DAGLB: variants seen among roughly 807,000 people sequenced by gnomAD.
DAGLB encodes the protein diacylglycerol lipase-beta.
DAGLB carries 66 observed loss-of-function variants against 72.1 expected under a neutral mutation model. That is an observed-to-expected ratio of 0.92 (90% CI 0.75 to 1.12). The LOEUF is 1.12. Among genes scored for constraint, DAGLB ranks in the 50% most tolerant of loss-of-function variants. DAGLB has a pLI of 0.00. For synonymous variants in DAGLB, 414 were observed against 359.5 expected, an observed-to-expected ratio of 1.15 and a Z score of -1.71; for missense variants, 1,065 against 884.9, an observed-to-expected ratio of 1.20 and a Z score of -2.58.
intron 1 of DAGLB, among the ~76,000 whole-genome samples, chr7:6,447,029 G>A (rs1345588374): frequency 6.6e-6 from 1 of 151,942 alleles, no homozygotes; most frequent in East Asian, 1.9e-4. Flanking sequence ...AAAAGAAAAG[G>A]GGTCTCACTA....
rs1388104145 is a variant in DAGLB at position 6,409,238 on chromosome 7, G to C, written c.*599C>G. The C allele has an allele frequency of 6.4e-6, 1 of 155,518 alleles. No homozygotes were observed. Among genetic ancestry groups the C allele is most frequent in the Admixed American group, 6.2e-5 (1 of 16,056 alleles). The allele number at this position is 155,518 out of a possible 1,614,324, so 9.6% of individuals were successfully genotyped here. A position where few individuals can be genotyped will look rare whatever the true frequency, so the allele number is the denominator to read the frequency against. ...AACTCCTGATGTGGACAAACAACTG[G>C]GCAGTGGGAATAGGCAGTTGGGGGG... is the stretch of plus-strand genomic sequence containing the variant. On this transcript the variant is annotated 3_prime_UTR_variant, in exon 15 of 15. Transcript: ENST00000297056.
Position 6,409,846 on chromosome 7 carries a change from G to T in DAGLB, c.2010C>A (p.Asp670Glu). ...SCPAQGVSSV[D>E]VA Reference sequence around the variant, plus strand: ...TTTCCAGTGGCCCTGGTCAGGCCACGTCCACACTGGAGACCCCTTGTGCTG... The same window carrying T: ...TTTCCAGTGGCCCTGGTCAGGCCACTTCCACACTGGAGACCCCTTGTGCTG... Residue 670 changes from aspartate (D) to glutamate (E), a missense_variant, in exon 15 of 15, where the codon GAC (aspartate) becomes GAA (glutamate). By Grantham distance (45) the Asp-to-Glu change is conservative. Transcript: ENST00000297056. 6.2e-7 allele frequency: 1 copy of T among 1,613,854 alleles called. No homozygotes were observed. The highest frequency in any genetic ancestry group is 8.5e-7 in the Non-Finnish European group (1 of 1,180,000).
chr7:6,421,781 C>T lies in DAGLB; in HGVS notation c.1164G>A (p.Ala388=), dbSNP rs776397190. Reference sequence around the variant, plus strand: ...ACTCCACGTCCAGCACCTCACTCTCCGCTGACAGGTCCGTAAGGACATCCT... The same window carrying T: ...ACTCCACGTCCAGCACCTCACTCTCTGCTGACAGGTCCGTAAGGACATCCT... ...SLQDVLTDLS[A]ESEVLDVECE... The change falls in exon 9 of 15, where the codon GCG becomes GCA. Residue 388 remains alanine (A), a synonymous_variant. Transcript: ENST00000297056. The T allele has an allele frequency of 3.9e-5, 63 of 1,613,146 alleles. No homozygotes were observed. Among genetic ancestry groups the T allele is most frequent in the South Asian group, 3.4e-4 (31 of 91,074 alleles).
chr7:6,431,958 T>C (rs1199772906), intron 5 of DAGLB, among the ~76,000 whole-genome samples: 1 of 152,090 alleles, frequency 6.6e-6, no homozygotes, highest in Non-Finnish European at 1.5e-5. Flanking sequence ...GCTTAGTACC[T>C]GGGTGACAAA....
At position 6,436,448 on chromosome 7, in the gene DAGLB, C is replaced by G. The variant is rs1045978704; in HGVS notation, c.333G>C (p.Trp111Cys). Reference sequence around the variant, plus strand: ...CCACCCAGGCAGCCCCCAGAGAGGCCCAGACCATCTCTGGAAAAAACAGCG... The same window carrying G: ...CCACCCAGGCAGCCCCCAGAGAGGCGCAGACCATCTCTGGAAAAAACAGCG... Reference protein sequence around the residue: ...RLALFFPEMVWASLGAAWVAD... With the variant: ...RLALFFPEMVCASLGAAWVAD... Residue 111 changes from tryptophan to cysteine, a missense_variant, in exon 3 of 15, where the codon TGG becomes TGC. Physicochemically the swap from Trp to Cys is radical, Grantham distance 215. Transcript: ENST00000297056. The G allele has an allele frequency of 6.2e-7, 1 of 1,614,104 alleles. No homozygotes were observed. The highest frequency in any genetic ancestry group is 8.5e-7 in the Non-Finnish European group (1 of 1,180,028).
intron 2 of DAGLB, among the ~76,000 whole-genome samples, chr7:6,443,217 A>G (rs941438586): frequency 1.4e-5 from 2 of 147,770 alleles, no homozygotes; most frequent in African/African-American, 5.0e-5. Context: ...CAAAAAAAAC[A>G]AAACAAAACA....
chr7:6,446,103 ACCTGG>A lies in DAGLB; in HGVS notation c.96-4_96del. 2 of 1,550,912 alleles carry A rather than the reference ACCTGG, an allele frequency of 1.3e-6. No individual in the cohort carries two copies. The highest frequency in any genetic ancestry group is 1.7e-6 in the Non-Finnish European group (2 of 1,154,128). ...AGATACAACGTCAGAATGCCAATCC[ACCTGG>A]CAAAAAAAAAAAAGGGAAGGGTCAG... On this transcript the variant is annotated splice_acceptor_variant and splice_polypyrimidine_tract_variant and coding_sequence_variant and intron_variant, in exon 2 of 15. Coordinates refer to ENST00000297056, the MANE Select transcript of DAGLB (RefSeq NM_139179.4). LOFTEE classifies it high-confidence loss of function.
chr7:6,441,143 T>C lies in DAGLB; in HGVS notation c.248-4610A>G, dbSNP rs975281352. Among the ~76,000 whole-genome samples, 69 of 149,688 alleles carry C rather than the reference T, an allele frequency of 4.6e-4. 1 individual carries two copies. The highest frequency in any genetic ancestry group is 1.6e-3 in the African/African-American group (65 of 40,712). ...TCTCGCTCTGTCGCCCAAGCTGGAG[T>C]GCAGTGGCGCGATCTCGGCTCACTG... On this transcript the variant is annotated intron_variant, in intron 2 of 14. Coordinates refer to ENST00000297056, the MANE Select transcript of DAGLB (RefSeq NM_139179.4).
intron 11 of DAGLB, among the ~76,000 whole-genome samples, chr7:6,415,342 A>C (rs1239856944): frequency 6.6e-6 from 1 of 152,080 alleles, no homozygotes; most frequent in Non-Finnish European, 1.5e-5. Context: ...TATATGTCAA[A>C]GAAACCAAGT....
At chr7:6,430,929 C>G (rs929073158) in intron 5 of DAGLB, among the ~76,000 whole-genome samples, 15 of 152,120 alleles carry the variant, frequency 9.9e-5, no homozygotes, top group Non-Finnish European at 1.9e-4. Context: ...GCACCCGCCA[C>G]CACACCCGGC....
intron 2 of DAGLB, among the ~76,000 whole-genome samples, chr7:6,439,527 C>T (rs145810027): frequency 6.6e-6 from 1 of 152,288 alleles, no homozygotes; most frequent in Non-Finnish European, 1.5e-5. Context: ...ACTCCTATAG[C>T]CAATGCTGCA....
Position 6,434,769 on chromosome 7 carries a change from T to G in DAGLB, c.671A>C (p.Tyr224Ser). Residue 224 changes from tyrosine to serine, a missense_variant, in exon 4 of 15, where the codon TAC (tyrosine) becomes TCC (serine). Transcript: ENST00000297056. ...FSSTAELFST[Y>S]FSDTDLVPSD... The stretch of plus-strand genomic sequence containing the variant: ...CAGATCCCCTCGGCTTACTGAAAAG[T>G]AGGTTGAGAAAAGCTCTGCCGTACT... 3.1e-6 allele frequency: 5 copies of G among 1,613,906 alleles called. No individual in the cohort carries two copies. Among genetic ancestry groups the G allele is most frequent in the Non-Finnish European group, 4.2e-6 (5 of 1,179,944 alleles).
Position 6,436,414 on chromosome 7 carries a change from C to A in DAGLB, c.367G>T (p.Val123Phe). 1 of 1,614,102 alleles carries A rather than the reference C, an allele frequency of 6.2e-7. No individual in the cohort carries two copies. The highest frequency in any genetic ancestry group is 2.2e-5 in the East Asian group (1 of 44,888). The change falls in exon 3 of 15, where the codon GTT becomes TTT. Residue 123 changes from valine to phenylalanine, a missense_variant. By Grantham distance (50) the Val-to-Phe change is conservative. Coordinates refer to ENST00000297056, the MANE Select transcript of DAGLB (RefSeq NM_139179.4). The stretch of plus-strand genomic sequence containing the variant: ...TTTACAACTGTCCTGTCGCACTGAA[C>A]ACCATCTGCCACCCAGGCAGCCCCC... ...SLGAAWVADG[V>F]QCDRTVVNGI... is the part of the protein sequence containing the mutation.
chr7:6,409,836 G>A lies in DAGLB; in HGVS notation c.*1C>T. ...CCTGGGACAGTTTCCAGTGGCCCTG[G>A]TCAGGCCACGTCCACACTGGAGACC... On this transcript the variant is annotated 3_prime_UTR_variant, in exon 15 of 15. Coordinates refer to ENST00000297056, the MANE Select transcript of DAGLB (RefSeq NM_139179.4). 1.2e-6 allele frequency: 2 copies of A among 1,613,530 alleles called. No individual in the cohort carries two copies. The highest frequency in any genetic ancestry group is 2.7e-5 in the African/African-American group (2 of 75,040).
intron 11 of DAGLB, among the ~76,000 whole-genome samples, chr7:6,413,815 G>C (rs1783814421): frequency 6.6e-6 from 1 of 152,218 alleles, no homozygotes; most frequent in Non-Finnish European, 1.5e-5. Flanking sequence ...AGAAGGAGGA[G>C]GACTGTGTGT....
At chr7:6,416,960 G>C (rs780411282) in intron 9 of DAGLB, 39 bp from the exon 10 acceptor site, 9 of 1,608,534 alleles carry the variant, frequency 5.6e-6, no homozygotes, top group African/African-American at 1.3e-5. Context: ...TTAATCCTCA[G>C]ACAAGGCAGG....
Position 6,409,719 on chromosome 7 carries a change from C to T in DAGLB, c.*118G>A, listed in dbSNP as rs776181684. The T allele has an allele frequency of 3.0e-5, 35 of 1,168,498 alleles. No individual in the cohort carries two copies. Among genetic ancestry groups the T allele is most frequent in the East Asian group, 5.1e-5 (2 of 38,906 alleles). 72.4% of individuals were successfully genotyped at this position (1,168,498 alleles called of 1,614,324 possible). A position where few individuals can be genotyped will look rare whatever the true frequency, so the allele number is the denominator to read the frequency against. On this transcript the variant is annotated 3_prime_UTR_variant, in exon 15 of 15. Coordinates refer to ENST00000297056, the MANE Select transcript of DAGLB (RefSeq NM_139179.4). ...GAGACCATGGAATTCTGTTCCCATCCGATTCCTGTTGATGGACATTCGCTG... is the reference window on the plus strand; with the variant it reads ...GAGACCATGGAATTCTGTTCCCATCTGATTCCTGTTGATGGACATTCGCTG...
At chr7:6,423,203 C>G (rs2115260057) in intron 8 of DAGLB, among the ~76,000 whole-genome samples, 1 of 152,258 alleles carries the variant, frequency 6.6e-6, no homozygotes, top group Non-Finnish European at 1.5e-5. Context: ...AGTGAGCTGA[C>G]TGTACCATCG....
In DAGLB at chr7:6,409,950, G is replaced by GC; in HGVS notation, c.1905dup (p.Leu636AlafsTer58). 1 of 1,614,142 alleles carries GC rather than the reference G, an allele frequency of 6.2e-7. No individual in the cohort carries two copies. Among genetic ancestry groups the GC allele is most frequent in the Non-Finnish European group, 8.5e-7 (1 of 1,180,036 alleles). ...AGGATGTCTGGCATGTGGTCGGTGA[G>GC]CATCTTCGGACCTATGAGTATTTTG... On this transcript the variant is annotated frameshift_variant, in exon 15 of 15. Coordinates refer to ENST00000297056, the MANE Select transcript of DAGLB (RefSeq NM_139179.4). LOFTEE classifies it low-confidence loss of function (END_TRUNC).
Sources: allele counts gnomAD v4.1 joint callset (sites outside exome capture counted in the v4.1 genomes callset), GRCh38; gene constraint gnomAD v4.1.1; transcripts MANE v1.5; gene names NCBI Gene and HGNC (gene_info 2026-07-23, HGNC 2026-07-21).